The following ADGRG1 variants were observed in gnomAD, a reference collection of about 807,000 sequenced individuals.
ADGRG1 encodes 7-transmembrane protein with no EGF-like N-terminal domains-1.
In ADGRG1, 53 loss-of-function variants were observed where a neutral mutation model predicts 73.5. That is an observed-to-expected ratio of 0.72 (90% CI 0.58 to 0.91). ADGRG1 has a LOEUF of 0.91. Among genes scored for constraint, ADGRG1 ranks in the 40% least tolerant of loss-of-function variants. The pLI, the probability that ADGRG1 is intolerant of heterozygous loss-of-function variation, is 0.00. For synonymous variants in ADGRG1, 394 were observed against 374.4 expected (o/e 1.05, Z -0.60); for missense variants, 795 against 871.8 (o/e 0.91, Z 1.11).
At chr16:57,660,596 TGGGGAG>T in intron 11 of ADGRG1, 166 bp from the exon 12 acceptor site, 2 of 915,462 alleles carry the variant, frequency 2.2e-6, no homozygotes, top group Non-Finnish European at 2.6e-6. Context: ...CATACTGGAA[TGGGGAG>T]GGGGAGGGTC....
Position 57,663,477 on chromosome 16 carries a change from G to C in ADGRG1, c.1959G>C (p.Trp653Cys). The C allele has an allele frequency of 1.2e-6, 2 of 1,614,070 alleles. No homozygotes were observed. Among genetic ancestry groups the C allele is most frequent in the Non-Finnish European group, 1.7e-6 (2 of 1,179,992 alleles). ...GCTTCCTCATCTTCATCTGGTACTG[G>C]TCCATGCGGCTGCAGGCCCGGGGTG... Reference protein sequence around the residue: ...FQGFLIFIWYWSMRLQARGGP... With the variant: ...FQGFLIFIWYCSMRLQARGGP... The change falls in exon 14 of 14, where the codon TGG becomes TGC. Residue 653 changes from tryptophan (W) to cysteine (C), a missense_variant. Transcript: ENST00000562631.
chr16:57,658,952 G>A, intron 10 of ADGRG1: 1 of 982,834 alleles, frequency 1.0e-6, no homozygotes, highest in Non-Finnish European at 1.2e-6. Context: ...TGGAGTGGGG[G>A]TGGGGTGGGG....
Position 57,644,050 on chromosome 16 carries a change from G to A in ADGRG1, c.-35-6203G>A, listed in dbSNP as rs558564983. On this transcript the variant is annotated intron_variant, in intron 1 of 13. Coordinates refer to ENST00000562631, the MANE Select transcript of ADGRG1 (RefSeq NM_201525.4). Reference sequence around the variant, plus strand: ...CGTTGGAGGGAGGGTCCTCTCAGACGCCACGCCACCCACCATGGAGGAAAC... The same window carrying A: ...CGTTGGAGGGAGGGTCCTCTCAGACACCACGCCACCCACCATGGAGGAAAC... 2.5e-5 allele frequency: 25 copies of A among 985,270 alleles called. No homozygotes were observed. The Admixed American group carries it at 4.3e-4, about 17-fold the overall frequency. The allele number at this position is 985,270 out of a possible 1,614,324, so 61.0% of individuals were successfully genotyped here.
chr16:57,662,155 T>G (rs1342678033), intron 13 of ADGRG1, among the ~76,000 whole-genome samples, 190 bp downstream of exon 13: 3 of 152,254 alleles, frequency 2.0e-5, no homozygotes, highest in Non-Finnish European at 4.4e-5. Flanking sequence ...GGCCCTGTGT[T>G]AAGCCACAGG....
Position 57,653,329 on chromosome 16 carries a change from C to T in ADGRG1, c.614C>T (p.Ala205Val), listed in dbSNP as rs767481034. ...TCAAGGAGGCCCTCGGCTGCCCCCGCCAGCCAGTAAGTTTGGCACCTGGGG... is the reference window on the plus strand; with the variant it reads ...TCAAGGAGGCCCTCGGCTGCCCCCGTCAGCCAGTAAGTTTGGCACCTGGGG... ...KASRRPSAAP[A>V]SQQLQSLESK... The change falls in exon 4 of 14, where the codon GCC (alanine) becomes GTC (valine). Residue 205 changes from alanine (A) to valine (V), a missense_variant. Physicochemically the swap from Ala to Val is moderately conservative, Grantham distance 64. Coordinates refer to ENST00000562631, the MANE Select transcript of ADGRG1 (RefSeq NM_201525.4). 13 of 1,609,172 alleles carry T rather than the reference C, an allele frequency of 8.1e-6. No homozygotes were observed. Among genetic ancestry groups the T allele is most frequent in the African/African-American group, 5.3e-5 (4 of 74,920 alleles).
intron 10 of ADGRG1, 64 bp downstream of exon 10, chr16:57,657,555 G>A (rs951303889): frequency 4.9e-5 from 59 of 1,214,342 alleles, no homozygotes; most frequent in Middle Eastern, 2.1e-4. Context: ...CCACCAGGGC[G>A]CCGCACACAT....
At chr16:57,629,172 G>A in intron 1 of ADGRG1, 5 of 985,242 alleles carry the variant, frequency 5.1e-6, no homozygotes, top group Non-Finnish European at 6.0e-6. Context: ...GGGAAATGGG[G>A]GGGTCTTGGT....
chr16:57,628,534 C>T (rs548560067), upstream of ADGRG1: 5 of 985,544 alleles, frequency 5.1e-6, no homozygotes, highest in East Asian at 2.3e-4. Context: ...CATATATCGT[C>T]CGTCATCCCC....
At chr16:57,641,172 AGAG>A (rs2147754391) in intron 1 of ADGRG1, 1 of 801,866 alleles carries the variant, frequency 1.2e-6, no homozygotes, top group African/African-American at 1.9e-5. Flanking sequence ...CCCACTTGAC[AGAG>A]GAGAAAATAA....
intron 1 of ADGRG1, chr16:57,639,215 C>T: frequency 4.1e-6 from 4 of 973,774 alleles, no homozygotes; most frequent in Non-Finnish European, 4.9e-6. Context: ...GTCCCCGGGG[C>T]TCCCCATAAA....
chr16:57,651,336 C>A lies in ADGRG1; in HGVS notation c.201C>A (p.Val67=), dbSNP rs1207724795. ...SIENSEEALT[V]HAPFPAAHPA... Reference sequence around the variant, plus strand: ...AGAACTCCGAAGAGGCCCTCACAGTCCATGCCCCTTTCCCTGCAGCCCACC... The same window carrying A: ...AGAACTCCGAAGAGGCCCTCACAGTACATGCCCCTTTCCCTGCAGCCCACC... The change falls in exon 3 of 14, where the codon GTC becomes GTA. Residue 67 remains valine (V), a synonymous_variant. Coordinates refer to ENST00000562631, the MANE Select transcript of ADGRG1 (RefSeq NM_201525.4). The A allele has an allele frequency of 6.2e-7, 1 of 1,614,246 alleles. No homozygotes were observed. Among genetic ancestry groups the A allele is most frequent in the African/African-American group, 1.3e-5 (1 of 75,066 alleles).
rs202245406 is a variant in ADGRG1 at position 57,653,981 on chromosome 16, G to A, written c.621-5G>A. Reference sequence around the variant, plus strand: ...CCATCACCACCGCTTTCTCCTCCCTGCCAGGCAGTTGCAGAGCCTGGAGTC... The same window carrying A: ...CCATCACCACCGCTTTCTCCTCCCTACCAGGCAGTTGCAGAGCCTGGAGTC... On this transcript the variant is annotated splice_region_variant and splice_polypyrimidine_tract_variant and intron_variant, in intron 4 of 13. Transcript: ENST00000562631. 1.3e-4 allele frequency: 203 copies of A among 1,613,810 alleles called. 1 individual carries two copies. The South Asian group carries it at 1.6e-3, about 13-fold the overall frequency.
At chr16:57,651,837 C>A (rs2044173835) in intron 3 of ADGRG1, 1 of 1,450,094 alleles carries the variant, frequency 6.9e-7, no homozygotes, top group Non-Finnish European at 9.1e-7. Context: ...CCCACTGTCC[C>A]TTGATGGTTA....
intron 1 of ADGRG1, chr16:57,630,015 A>G (rs2037312932): frequency 1.0e-6 from 1 of 985,118 alleles, no homozygotes; most frequent in African/African-American, 1.7e-5. Flanking sequence ...CTGTGTAGGA[A>G]TAGCCTTTGT....
chr16:57,642,844 C>G lies in ADGRG1; in HGVS notation c.-35-7409C>G, dbSNP rs963655973. On this transcript the variant is annotated intron_variant, in intron 1 of 13. Transcript: ENST00000562631. ...TGTGATCTTGGGCATTACTTAACCT[C>G]TTTGGGCTTCAGTTTCCTAAAGTGG... 19 of 155,796 alleles carry G rather than the reference C, an allele frequency of 1.2e-4. No individual in the cohort carries two copies. The Admixed American group carries it at 1.2e-3, about 10-fold the overall frequency. 9.7% of individuals were successfully genotyped at this position (155,796 alleles called of 1,614,324 possible).
chr16:57,644,175 T>A (rs2041612125), intron 1 of ADGRG1: 1 of 985,030 alleles, frequency 1.0e-6, no homozygotes, highest in Non-Finnish European at 1.2e-6. Flanking sequence ...CTTCTCTTGC[T>A]TTCTCCTCCT....
intron 1 of ADGRG1, chr16:57,639,238 C>T (rs1272110184): frequency 7.1e-6 from 7 of 985,170 alleles, no homozygotes; most frequent in Admixed American, 6.1e-5. Context: ...GCTGTCCTAA[C>T]CCCTGCCCTC....
chr16:57,644,079 T>C, intron 1 of ADGRG1: 1 of 985,384 alleles, frequency 1.0e-6, no homozygotes, highest in Non-Finnish European at 1.2e-6. Context: ...AGGAAACACC[T>C]GCAAGAGCCC....
intron 1 of ADGRG1, chr16:57,632,305 G>C (rs2038177451): frequency 1.0e-6 from 1 of 985,338 alleles, no homozygotes; most frequent in South Asian, 4.7e-5. Context: ...AGCAAGGGTG[G>C]CTTGCCCAGG....
Sources: gnomAD v4.1 joint callset for allele counts (sites outside exome capture counted in the v4.1 genomes callset) on GRCh38, gnomAD v4.1.1 for gene constraint, MANE v1.5 for transcripts, NCBI Gene and HGNC (gene_info 2026-07-23, HGNC 2026-07-21) for gene names.